The following BICRAL variants were observed in gnomAD, a reference collection of about 807,000 sequenced individuals.
BICRAL encodes BRD4-interacting chromatin-remodeling complex-associated protein-like.
In BICRAL, 8 loss-of-function variants were observed where a neutral mutation model predicts 91.8. The ratio of observed to expected loss-of-function variants is 0.09; its 90% CI spans 0.05 to 0.16. The LOEUF is 0.16. Among genes scored for constraint, BICRAL ranks in the 10% least tolerant of loss-of-function variants. The pLI is 1.00. For synonymous variants in BICRAL, 445 were observed against 491.1 expected (o/e 0.91, Z 1.24); for missense variants, 1,038 against 1,310.9 (o/e 0.79, Z 3.21).
intron 1 of BICRAL, among the ~76,000 whole-genome samples, chr6:42,748,413 A>G (rs906523581): frequency 1.1e-4 from 16 of 152,186 alleles, no homozygotes; most frequent in Admixed American, 6.5e-4. Flanking sequence ...TTTCGGTATT[A>G]GGCATAGTGA....
At chr6:42,761,407 C>G (rs1762545437) in intron 1 of BICRAL, among the ~76,000 whole-genome samples, 1 of 152,134 alleles carries the variant, frequency 6.6e-6, no homozygotes, top group South Asian at 2.1e-4. Flanking sequence ...TGAGGTTGCA[C>G]CACTGCAATC....
At chr6:42,755,271 C>G (rs1762441711) in intron 1 of BICRAL, among the ~76,000 whole-genome samples, 1 of 152,038 alleles carries the variant, frequency 6.6e-6, no homozygotes, top group South Asian at 2.1e-4. Flanking sequence ...AAGCAGGAGA[C>G]CAGCTCAAGA....
chr6:42,764,079 T>C (rs1048621624), intron 1 of BICRAL, among the ~76,000 whole-genome samples: 12 of 148,712 alleles, frequency 8.1e-5, no homozygotes, highest in African/African-American at 3.0e-4. Flanking sequence ...CTGTCTCTAC[T>C]AAAAATACAA....
chr6:42,777,442 G>A (rs1215372960), upstream of BICRAL, among the ~76,000 whole-genome samples: 6 of 152,142 alleles, frequency 3.9e-5, no homozygotes, highest in Non-Finnish European at 7.3e-5. Flanking sequence ...TTAAACCTCA[G>A]AATATAAGTA....
At chr6:42,853,782 T>G in intron 8 of BICRAL, 44 bp downstream of exon 8, 1 of 1,356,448 alleles carries the variant, frequency 7.4e-7, no homozygotes. Context: ...TTCGGCATAA[T>G]TGAATGAAAA....
At position 42,864,740 on chromosome 6, in the gene BICRAL, A is replaced by G; in HGVS notation, c.2534A>G (p.His845Arg). The G allele has an allele frequency of 1.9e-6, 3 of 1,614,186 alleles. No homozygotes were observed. The South Asian group carries it at 3.3e-5, about 18-fold the overall frequency. Residue 845 changes from histidine (H) to arginine (R), a missense_variant, in exon 13 of 13, where the codon CAT (histidine) becomes CGT (arginine). Around this residue, in one of 5 missense-constraint regions of BICRAL, gnomAD observed 294 missense variants for 292.6 expected, o/e 1.00. Transcript: ENST00000314073. ...ACACAGTTTGGCCGGAGTGACCAGC[A>G]TGGCAGTAAAGCAAGCAGCTCTCTG... is the stretch of plus-strand genomic sequence containing the variant. ...HETQFGRSDQ[H>R]GSKASSSLQP...
rs879944219 is a variant in BICRAL, at chr6:42,848,251, C to CA, written c.1840-3828dup. On this transcript the variant is annotated intron_variant, in intron 6 of 12. Coordinates refer to ENST00000314073, the MANE Select transcript of BICRAL (RefSeq NM_001393499.1). ...TGGGCGACAGAGTGAGACTCCATCTCAAAAAAAAAAAAATTAGCCAGGCAT... is the reference window on the plus strand; with the variant it reads ...TGGGCGACAGAGTGAGACTCCATCTCAAAAAAAAAAAAAATTAGCCAGGCAT... Among the ~76,000 whole-genome samples, 1,387 of 141,604 alleles carry CA rather than the reference C, an allele frequency of 9.8e-3. 29 individuals are homozygous for CA. The highest frequency in any genetic ancestry group is 0.032 in the African/African-American group (1,242 of 38,824). The allele number at this position is 141,604 out of a possible 152,430, so 92.9% of individuals were successfully genotyped here.
chr6:42,767,170 GAA>G (rs1228514423), intron 1 of BICRAL, among the ~76,000 whole-genome samples: 2 of 152,074 alleles, frequency 1.3e-5, no homozygotes, highest in Non-Finnish European at 2.9e-5. Flanking sequence ...GAAAGAGAAA[GAA>G]AAGAGGAGAG....
chr6:42,770,310 C>T (rs74438578), intron 1 of BICRAL, among the ~76,000 whole-genome samples: 8 of 152,078 alleles, frequency 5.3e-5, no homozygotes, highest in Non-Finnish European at 1.0e-4. Flanking sequence ...CTCACTGCAA[C>T]CTTCGCCTCT....
intron 10 of BICRAL, among the ~76,000 whole-genome samples, chr6:42,857,708 T>C (rs1469642529): frequency 1.4e-5 from 2 of 147,568 alleles, no homozygotes; most frequent in African/African-American, 5.0e-5. Context: ...AAGCTTTGTA[T>C]GGACTGCCGG....
chr6:42,802,428 T>TTTTTTTG (rs1554277647), intron 1 of BICRAL, among the ~76,000 whole-genome samples: 9 of 103,938 alleles, frequency 8.7e-5, no homozygotes, highest in African/African-American at 2.0e-4. Context: ...CGTGTTTTTT[T>TTTTTTTG]TTGTTGTTGT....
chr6:42,747,748 T>C (rs569079523), intron 1 of BICRAL, among the ~76,000 whole-genome samples: 2 of 152,098 alleles, frequency 1.3e-5, no homozygotes, highest in African/African-American at 4.8e-5. Flanking sequence ...TTTTCACTAG[T>C]CTTGTTTTAT....
At chr6:42,792,434 ATT>A (rs534995773) in intron 1 of BICRAL, among the ~76,000 whole-genome samples, 5 of 144,028 alleles carry the variant, frequency 3.5e-5, no homozygotes, top group Admixed American at 7.0e-5. Flanking sequence ...TGCCCAGCTA[ATT>A]TTTTTTTTTT....
At chr6:42,855,546 C>CATGATGATG (rs113362170) in intron 8 of BICRAL, among the ~76,000 whole-genome samples, 1 of 150,618 alleles carries the variant, frequency 6.6e-6, no homozygotes, top group African/African-American at 2.5e-5. Flanking sequence ...TGTCAAAAAA[C>CATGATGATG]ATGATGATGA....
chr6:42,778,752 G>C (rs772723638), upstream of BICRAL, among the ~76,000 whole-genome samples: 1 of 152,018 alleles, frequency 6.6e-6, no homozygotes, highest in Non-Finnish European at 1.5e-5. Context: ...AGGCTGAGGC[G>C]GAAGGATCAC....
intron 10 of BICRAL, 125 bp from the exon 11 acceptor site, chr6:42,860,137 G>C (rs1446514593): frequency 1.6e-6 from 1 of 630,636 alleles, no homozygotes; most frequent in East Asian, 2.7e-5. Context: ...TCTAAGAAGA[G>C]AAAATTGCCC....
At chr6:42,814,727 G>A (rs888689516) in intron 2 of BICRAL, among the ~76,000 whole-genome samples, 1 of 151,042 alleles carries the variant, frequency 6.6e-6, no homozygotes, top group African/African-American at 2.4e-5. Context: ...GTTTCACCAT[G>A]TTGGCCAGGC....
At chr6:42,800,092 TCTCA>T (rs1379408006) in intron 1 of BICRAL, among the ~76,000 whole-genome samples, 1 of 152,014 alleles carries the variant, frequency 6.6e-6, no homozygotes, top group East Asian at 1.9e-4. Context: ...TAAAATGCAG[TCTCA>T]CTCTGTCACC....
intron 1 of BICRAL, among the ~76,000 whole-genome samples, chr6:42,765,173 T>G (rs1237933248): frequency 1.3e-5 from 2 of 152,218 alleles, no homozygotes; most frequent in Non-Finnish European, 2.9e-5. Flanking sequence ...TTCCCTTCTG[T>G]AGTTGGTAAT....
Sources: allele counts gnomAD v4.1 joint callset (sites outside exome capture counted in the v4.1 genomes callset), GRCh38; gene constraint gnomAD v4.1.1; regional missense constraint gnomAD v4.1.1; transcripts MANE v1.5; gene names NCBI Gene and HGNC (gene_info 2026-07-23, HGNC 2026-07-21).